Variants in DCAF1 observed in about 807,000 individuals in gnomAD.
DCAF1 encodes the protein DDB1 and CUL4 associated factor 1, also known as DDB1- and CUL4-associated factor 1.
A neutral mutation model predicts 128.0 loss-of-function variants in DCAF1; 15 were observed. That is an observed-to-expected ratio of 0.12 (90% CI 0.08 to 0.18). DCAF1 has a LOEUF of 0.18. Among genes scored for constraint, DCAF1 ranks in the 10% least tolerant of loss-of-function variants. The pLI is 1.00. For missense variants in DCAF1, 988 were observed against 1,649.5 expected, an observed-to-expected ratio of 0.60 and a Z score of 6.95; for synonymous variants, 610 against 603.0, an observed-to-expected ratio of 1.01 and a Z score of -0.17.
chr3:51,420,924 A>C lies in DCAF1; in HGVS notation c.2046T>G (p.Leu682=). 2 of 1,614,006 alleles carry C rather than the reference A, an allele frequency of 1.2e-6. No homozygotes were observed. Among genetic ancestry groups the C allele is most frequent in the Non-Finnish European group, 1.7e-6 (2 of 1,179,900 alleles). ...IHDAEIQKSA[L]QIIINCVCGP... is the part of the protein sequence containing the mutation. ...CACACACACAATTGATGATAATCTG[A>C]AGTGCTGACTTCTGAATTTCAGCAT... Residue 682 remains leucine, a synonymous_variant, in exon 15 of 25, where the codon CTT becomes CTG. Coordinates refer to ENST00000684031, the MANE Select transcript of DCAF1 (RefSeq NM_001387579.1). This position sits in a 1 kb window ranked among gnomAD's most constrained non-coding sequence, Gnocchi z 6.5.
chr3:51,456,250 G>A (rs961180517), intron 6 of DCAF1, among the ~76,000 whole-genome samples: 2 of 152,198 alleles, frequency 1.3e-5, no homozygotes, highest in Non-Finnish European at 2.9e-5. Flanking sequence ...CGGCACACCA[G>A]GAGATTACAT....
In DCAF1 at chr3:51,498,646, C is replaced by G. The variant is rs529165517; in HGVS notation, c.-56+1227G>C. On this transcript the variant is annotated intron_variant, in intron 1 of 24. Coordinates refer to ENST00000684031, the MANE Select transcript of DCAF1 (RefSeq NM_001387579.1). The stretch of plus-strand genomic sequence containing the variant: ...AGTAAAACACTGTACTCAGCAACTA[C>G]GCAAGAGATACTAAGTACAAAATGA... Among the ~76,000 whole-genome samples the G allele has an allele frequency of 6.6e-5, 10 of 152,236 alleles. No individual in the cohort carries two copies. In the South Asian group the frequency reaches 1.9e-3, roughly 28 times the overall value.
intron 13 of DCAF1, among the ~76,000 whole-genome samples, chr3:51,422,856 G>A (rs1699533694): frequency 1.3e-5 from 2 of 151,984 alleles, no homozygotes; most frequent in Admixed American, 1.3e-4. Context: ...TTGAACCCAG[G>A]AGTTTGAGAC....
chr3:51,468,169 G>A (rs1457401266), intron 4 of DCAF1, among the ~76,000 whole-genome samples: 1 of 152,010 alleles, frequency 6.6e-6, no homozygotes, highest in African/African-American at 2.4e-5. Context: ...GAGAATTACT[G>A]GTTTGTTGTT....
At chr3:51,451,260 T>C (rs1702327300) in intron 6 of DCAF1, among the ~76,000 whole-genome samples, 1 of 151,042 alleles carries the variant, frequency 6.6e-6, no homozygotes, top group Non-Finnish European at 1.5e-5. Context: ...AGCATATATA[T>C]ATATATTTAC....
chr3:51,418,919 G>GGA, intron 15 of DCAF1, 43 bp from the exon 16 acceptor site: 1 of 1,530,360 alleles, frequency 6.5e-7, no homozygotes, highest in Non-Finnish European at 8.8e-7. Flanking sequence ...GAATGTGCAG[G>GGA]GACTCAGAAA....
At chr3:51,492,075 T>G (rs1707716157) in intron 2 of DCAF1, among the ~76,000 whole-genome samples, 1 of 147,942 alleles carries the variant, frequency 6.8e-6, no homozygotes, top group Non-Finnish European at 1.5e-5. Flanking sequence ...GGGAATCGCT[T>G]GAACCTGCGG....
chr3:51,458,534 G>A (rs1703177770), intron 6 of DCAF1, among the ~76,000 whole-genome samples: 1 of 152,058 alleles, frequency 6.6e-6, no homozygotes, highest in Non-Finnish European at 1.5e-5. Context: ...GGATACCCAG[G>A]AATTGAACTC....
chr3:51,396,906 G>GTGTT (rs1394203552), downstream of DCAF1: 3 of 166,976 alleles, frequency 1.8e-5, no homozygotes, highest in African/African-American at 4.8e-5. Flanking sequence ...CACTGGTTAA[G>GTGTT]TGTTTACTAC....
chr3:51,423,074 CAAAAAAA>C (rs1178774491), intron 13 of DCAF1, among the ~76,000 whole-genome samples: 1 of 138,734 alleles, frequency 7.2e-6, no homozygotes, highest in African/African-American at 2.7e-5. Flanking sequence ...TCTCGAAAAA[CAAAAAAA>C]AAGAAAAATG....
At chr3:51,483,858 TAAAAAA>T in intron 2 of DCAF1, 22 bp from the exon 3 acceptor site, 2 of 1,516,762 alleles carry the variant, frequency 1.3e-6, no homozygotes, top group Non-Finnish European at 1.8e-6. Flanking sequence ...AAAATAAAAA[TAAAAAA>T]GACAACCAAT....
intron 2 of DCAF1, among the ~76,000 whole-genome samples, chr3:51,491,084 T>G (rs1707587320): frequency 6.8e-6 from 1 of 148,046 alleles, no homozygotes; most frequent in African/African-American, 2.5e-5. Flanking sequence ...GCGCAGTGGC[T>G]CACACCTGTA....
At chr3:51,497,113 G>A (rs1306001710) in intron 1 of DCAF1, among the ~76,000 whole-genome samples, 5 of 152,026 alleles carry the variant, frequency 3.3e-5, no homozygotes, top group Non-Finnish European at 2.9e-5. Context: ...TGGCCAACGC[G>A]GCAAATCCCC....
rs564393218 is a variant in DCAF1, at chr3:51,461,730, C to A, written c.375+1384G>T. Reference sequence around the variant, plus strand: ...ATATATACCATGGAATACTATGCAGCCATAAAAAATGATGAGTTCATGTCC... The same window carrying A: ...ATATATACCATGGAATACTATGCAGACATAAAAAATGATGAGTTCATGTCC... On this transcript the variant is annotated intron_variant, in intron 6 of 24. Transcript: ENST00000684031. Among the ~76,000 whole-genome samples, 28 of 152,204 alleles carry A rather than the reference C, an allele frequency of 1.8e-4. No homozygotes were observed. In the South Asian group the frequency reaches 5.6e-3, roughly 31 times the overall value.
intron 2 of DCAF1, among the ~76,000 whole-genome samples, chr3:51,490,637 A>G (rs1171614956): frequency 2.6e-5 from 4 of 152,064 alleles, no homozygotes; most frequent in African/African-American, 9.7e-5. Flanking sequence ...CAAAATCCCA[A>G]TGACAAACCA....
chr3:51,423,283 G>A (rs1488126302), intron 13 of DCAF1, among the ~76,000 whole-genome samples: 2 of 152,004 alleles, frequency 1.3e-5, no homozygotes, highest in Non-Finnish European at 2.9e-5. Flanking sequence ...CCTGAGCTCA[G>A]GAGTTCAAGA....
intron 4 of DCAF1, among the ~76,000 whole-genome samples, chr3:51,467,662 TA>T (rs1400856652): frequency 5.3e-5 from 8 of 151,742 alleles, no homozygotes; most frequent in Non-Finnish European, 1.2e-4. Flanking sequence ...AATATATATA[TA>T]AAAAAAGAAA....
intron 3 of DCAF1, among the ~76,000 whole-genome samples, chr3:51,471,737 C>T (rs1466892218): frequency 6.6e-6 from 1 of 151,878 alleles, no homozygotes; most frequent in Non-Finnish European, 1.5e-5. Context: ...CGTGGTGGCA[C>T]ATACCTGTAA....
intron 4 of DCAF1, among the ~76,000 whole-genome samples, chr3:51,470,119 A>G (rs1704571315): frequency 6.6e-6 from 1 of 152,234 alleles, no homozygotes; most frequent in Non-Finnish European, 1.5e-5. Flanking sequence ...ATAAGCGTCA[A>G]GGTTCCAAAT....
Sources: allele counts gnomAD v4.1 joint callset (sites outside exome capture counted in the v4.1 genomes callset), GRCh38; gene constraint gnomAD v4.1.1; non-coding constraint Gnocchi (gnomAD v3.1); transcripts MANE v1.5; gene names NCBI Gene and HGNC (gene_info 2026-07-23, HGNC 2026-07-21).